SIX4: variants seen among roughly 807,000 people sequenced by gnomAD.
SIX4 encodes SIX homeobox 4.
SIX4 carries 23 observed loss-of-function variants against 51.5 expected under a neutral mutation model. The ratio of observed to expected loss-of-function variants is 0.45; its 90% confidence interval spans 0.32 to 0.63. The LOEUF is 0.63. Among genes scored for constraint, SIX4 ranks in the 30% least tolerant of loss-of-function variants. SIX4 has a pLI of 0.04. For synonymous variants in SIX4, 413 were observed against 417.3 expected, an observed-to-expected ratio of 0.99 and a Z score of 0.13; for missense variants, 867 against 984.0, an observed-to-expected ratio of 0.88 and a Z score of 1.59.
Position 60,722,029 on chromosome 14 carries a change from G to C in SIX4, c.863+1183C>G, listed in dbSNP as rs746041309. On this transcript the variant is annotated intron_variant, in intron 1 of 2. Coordinates refer to ENST00000216513, the MANE Select transcript of SIX4 (RefSeq NM_017420.5). This position sits in a 1 kb window ranked among gnomAD's most constrained non-coding sequence, Gnocchi z 5.9. ...CCCAGAAGCGGCAAGGGCGGGCTGA[G>C]ACCGGCTCTGGAATGCGCTGGTGAT... 6.6e-6 allele frequency among the ~76,000 whole-genome samples: 1 copy of C among 152,212 alleles called. No homozygotes were observed. The highest frequency in any genetic ancestry group is 1.5e-5 in the Non-Finnish European group (1 of 68,022).
chr14:60,719,153 A>G lies in SIX4; in HGVS notation c.1549+607T>C, dbSNP rs953145735. On this transcript the variant is annotated intron_variant, in intron 2 of 2. Coordinates refer to ENST00000216513, the MANE Select transcript of SIX4 (RefSeq NM_017420.5). The surrounding 1 kb of genome is among the most constrained non-coding windows in gnomAD (Gnocchi z 4.9). The stretch of plus-strand genomic sequence containing the variant: ...GCCACAAACATATAAAATAAGGCTT[A>G]CTATTATCTTCACAAATAAACCCAC... Among the ~76,000 whole-genome samples the G allele has an allele frequency of 3.9e-5, 6 of 152,226 alleles. No homozygotes were observed. The highest frequency in any genetic ancestry group is 7.3e-5 in the Non-Finnish European group (5 of 68,040).
chr14:60,724,185 A>G lies in SIX4; in HGVS notation c.-111T>C. On this transcript the variant is annotated 5_prime_UTR_variant, in exon 1 of 3. Coordinates refer to ENST00000216513, the MANE Select transcript of SIX4 (RefSeq NM_017420.5). ...CTCCCTCCCTCCTCTCCCCCTCCGG[A>G]AAGCCCACTCCCTCCCTCCTGGTTT... is the stretch of plus-strand genomic sequence containing the variant. The G allele has an allele frequency of 6.3e-7, 1 of 1,582,308 alleles. No homozygotes were observed. The highest frequency in any genetic ancestry group is 8.5e-7 in the Non-Finnish European group (1 of 1,170,178).
intron 1 of SIX4, chr14:60,721,242 G>T: frequency 1.0e-5 from 7 of 694,776 alleles, no homozygotes; most frequent in Non-Finnish European, 1.2e-5. Flanking sequence ...GCAGGACCCT[G>T]TTCCTCAGCT....
chr14:60,711,339 T>C lies in SIX4; in HGVS notation c.*2068A>G, dbSNP rs1323239077. On this transcript the variant is annotated 3_prime_UTR_variant, in exon 3 of 3. Transcript: ENST00000216513. Reference sequence around the variant, plus strand: ...ATGATGTAGTTCTTTATCAAAATGATGGGAGAGGAATTCTTCATAGGGTTC... The same window carrying C: ...ATGATGTAGTTCTTTATCAAAATGACGGGAGAGGAATTCTTCATAGGGTTC... The C allele has an allele frequency of 6.6e-6, 1 of 152,150 alleles. No individual in the cohort carries two copies. The highest frequency in any genetic ancestry group is 6.5e-5 in the Admixed American group (1 of 15,278). 9.4% of individuals were successfully genotyped at this position (152,150 alleles called of 1,614,324 possible). A position where few individuals can be genotyped will look rare whatever the true frequency, so the allele number is the denominator to read the frequency against.
rs754256041 is a variant in SIX4, at chr14:60,724,091, TCCTC to T, written c.-21_-18del. 19 of 1,559,656 alleles carry T rather than the reference TCCTC, an allele frequency of 1.2e-5. No homozygotes were observed. Among genetic ancestry groups the T allele is most frequent in the Middle Eastern group, 1.7e-4 (1 of 5,774 alleles). Reference sequence around the variant, plus strand: ...AGAGGACATTTTTTGTTGTTTATTTTCCTCCCTCCCTCACTCCCTCGCACTCTTT... The same window carrying T: ...AGAGGACATTTTTTGTTGTTTATTTTCCTCCCTCACTCCCTCGCACTCTTT... On this transcript the variant is annotated 5_prime_UTR_variant, in exon 1 of 3. Coordinates refer to ENST00000216513, the MANE Select transcript of SIX4 (RefSeq NM_017420.5).
rs761065883 is a variant in SIX4 at position 60,723,787 on chromosome 14, G to A, written c.288C>T (p.His96=). Residue 96 remains histidine, a synonymous_variant, in exon 1 of 3, where the codon CAC becomes CAT. Transcript: ENST00000216513. ...LHSELLGRHH[H]AAAAAAQTPL... Reference sequence around the variant, plus strand: ...GGGTCTGCGCGGCGGCGGCGGCGGCGTGGTGGTGCCTGCCCAGAAGTTCCG... The same window carrying A: ...GGGTCTGCGCGGCGGCGGCGGCGGCATGGTGGTGCCTGCCCAGAAGTTCCG... 33 of 1,537,002 alleles carry A rather than the reference G, an allele frequency of 2.1e-5. No individual in the cohort carries two copies. In the East Asian group the frequency reaches 7.6e-4, roughly 35 times the overall value.
rs1057261805 is a variant in SIX4, at chr14:60,719,787, G to A, written c.1522C>T (p.Pro508Ser). 5.0e-6 allele frequency: 8 copies of A among 1,614,164 alleles called. No individual in the cohort carries two copies. Among genetic ancestry groups the A allele is most frequent in the Non-Finnish European group, 6.8e-6 (8 of 1,180,016 alleles). Residue 508 changes from proline (P) to serine (S), a missense_variant, in exon 2 of 3, where the codon CCC (proline) becomes TCC (serine). Coordinates refer to ENST00000216513, the MANE Select transcript of SIX4 (RefSeq NM_017420.5). The surrounding 1 kb of genome is among the most constrained non-coding windows in gnomAD (Gnocchi z 4.9). ...TGTGAAGCTGCCACTGACACAGGGG[G>A]CAGCTGCAGTGGAGAGAATCCAATG... ...GSIGFSPLQL[P>S]PVSVAASQGN...
Position 60,722,661 on chromosome 14 carries a change from C to T in SIX4, c.863+551G>A, listed in dbSNP as rs556537363. Among the ~76,000 whole-genome samples the T allele has an allele frequency of 1.3e-5, 2 of 152,214 alleles. No homozygotes were observed. The highest frequency in any genetic ancestry group is 1.3e-4 in the Admixed American group (2 of 15,300). ...TCTGCGCCGCCAGTCCCACAACACT[C>T]TCTTCCCTTCACCAGAGCAGCCACC... On this transcript the variant is annotated intron_variant, in intron 1 of 2. Coordinates refer to ENST00000216513, the MANE Select transcript of SIX4 (RefSeq NM_017420.5). This position sits in a 1 kb window ranked among gnomAD's most constrained non-coding sequence, Gnocchi z 5.9.
At position 60,723,854 on chromosome 14, in the gene SIX4, G is replaced by GCCGCCA. The variant is rs767196468; in HGVS notation, c.215_220dup (p.Val72_Ala73dup). 1 of 1,534,790 alleles carries GCCGCCA rather than the reference G, an allele frequency of 6.5e-7. No individual in the cohort carries two copies. Among genetic ancestry groups the GCCGCCA allele is most frequent in the South Asian group, 1.2e-5 (1 of 83,110 alleles). ...ATCCGCCGCCGCTCCGGCCGCCGCC[G>GCCGCCA]CCGCCACTGCCCCTTCCTCTCCGCT... On this transcript the variant is annotated inframe_insertion, in exon 1 of 3. Transcript: ENST00000216513.
At position 60,710,506 on chromosome 14, in the gene SIX4, C is replaced by T. The variant is rs1895801430; in HGVS notation, c.*2901G>A. ...GCATAGATAGGCTTACACCAAAAAT[C>T]CCACAGCCAGCAGCATGGGTTGGGT... On this transcript the variant is annotated 3_prime_UTR_variant, in exon 3 of 3. Coordinates refer to ENST00000216513, the MANE Select transcript of SIX4 (RefSeq NM_017420.5). 1 of 152,548 alleles carries T rather than the reference C, an allele frequency of 6.6e-6. No individual in the cohort carries two copies. Among genetic ancestry groups the T allele is most frequent in the Non-Finnish European group, 1.5e-5 (1 of 68,026 alleles). 9.4% of individuals were successfully genotyped at this position (152,548 alleles called of 1,614,324 possible).
In SIX4 at chr14:60,713,694, C is replaced by T. The variant is rs796487039; in HGVS notation, c.2059G>A (p.Glu687Lys). The change falls in exon 3 of 3, where the codon GAA becomes AAA. Residue 687 changes from glutamate to lysine, a missense_variant. Glu to Lys is a moderately conservative substitution (Grantham distance 56, BLOSUM62 1). Transcript: ENST00000216513. Reference protein sequence around the residue: ...SVPMTQAALGEIVPTAEDQVG... With the variant: ...SVPMTQAALGKIVPTAEDQVG... ...TGATCTTCAGCTGTAGGAACTATTT[C>T]CCCAAGGGCAGCCTGAGTCATAGGG... is the stretch of plus-strand genomic sequence containing the variant. The T allele has an allele frequency of 1.2e-6, 2 of 1,614,186 alleles. No individual in the cohort carries two copies. Among genetic ancestry groups the T allele is most frequent in the Non-Finnish European group, 1.7e-6 (2 of 1,180,028 alleles).
Position 60,722,966 on chromosome 14 carries a change from T to G in SIX4, c.863+246A>C. 3.1e-6 allele frequency: 2 copies of G among 642,402 alleles called. No individual in the cohort carries two copies. The highest frequency in any genetic ancestry group is 4.9e-6 in the Non-Finnish European group (2 of 411,896). The allele number at this position is 642,402 out of a possible 1,614,324, so 39.8% of individuals were successfully genotyped here. A position where few individuals can be genotyped will look rare whatever the true frequency, so the allele number is the denominator to read the frequency against. ...CGAGGTGGGGGCGGGGACTGAGACCTAGGCGGGCGACCAGAAACTTCTGGG... is the reference window on the plus strand; with the variant it reads ...CGAGGTGGGGGCGGGGACTGAGACCGAGGCGGGCGACCAGAAACTTCTGGG... On this transcript the variant is annotated intron_variant, in intron 1 of 2. Transcript: ENST00000216513. This position sits in a 1 kb window ranked among gnomAD's most constrained non-coding sequence, Gnocchi z 5.9.
At position 60,717,064 on chromosome 14, in the gene SIX4, T is replaced by TTTTA. The variant is rs900412100; in HGVS notation, c.1549+2692_1549+2695dup. On this transcript the variant is annotated intron_variant, in intron 2 of 2. Coordinates refer to ENST00000216513, the MANE Select transcript of SIX4 (RefSeq NM_017420.5). The surrounding 1 kb of genome is among the most constrained non-coding windows in gnomAD (Gnocchi z 4.6). ...CTTAAGTATGCTTTAAAACTCTTATTTTTATTTATTTATTTATTTATTTTT... is the reference window on the plus strand; with the variant it reads ...CTTAAGTATGCTTTAAAACTCTTATTTTTATTTATTTATTTATTTATTTATTTTT... 20 of 319,180 alleles carry TTTTA rather than the reference T, an allele frequency of 6.3e-5. No homozygotes were observed. The highest frequency in any genetic ancestry group is 2.4e-4 in the East Asian group (2 of 8,426). 19.8% of individuals were successfully genotyped at this position (319,180 alleles called of 1,614,324 possible).
rs1410332450 is a variant in SIX4, at chr14:60,711,392, T to C, written c.*2015A>G. On this transcript the variant is annotated 3_prime_UTR_variant, in exon 3 of 3. Coordinates refer to ENST00000216513, the MANE Select transcript of SIX4 (RefSeq NM_017420.5). The stretch of plus-strand genomic sequence containing the variant: ...GATATATGCCTGCAAGTTCCATTTA[T>C]GATAACAAAAGTTAAATCCTCTATG... 4 of 152,316 alleles carry C rather than the reference T, an allele frequency of 2.6e-5. No homozygotes were observed. The highest frequency in any genetic ancestry group is 9.6e-5 in the African/African-American group (4 of 41,578). The allele number at this position is 152,316 out of a possible 1,614,324, so 9.4% of individuals were successfully genotyped here.
chr14:60,713,251 A>T lies in SIX4; in HGVS notation c.*156T>A, dbSNP rs1480258024. ...ATGCAGTTCTACTCCTGTATACTTA[A>T]CTGTGATCTTCATGCAGATCAATCT... On this transcript the variant is annotated 3_prime_UTR_variant, in exon 3 of 3. Coordinates refer to ENST00000216513, the MANE Select transcript of SIX4 (RefSeq NM_017420.5). 5.7e-6 allele frequency: 4 copies of T among 706,852 alleles called. No individual in the cohort carries two copies. Among genetic ancestry groups the T allele is most frequent in the Non-Finnish European group, 9.1e-6 (4 of 437,812 alleles). The allele number at this position is 706,852 out of a possible 1,614,324, so 43.8% of individuals were successfully genotyped here. A position where few individuals can be genotyped will look rare whatever the true frequency, so the allele number is the denominator to read the frequency against.
In SIX4 at chr14:60,711,910, C is replaced by T. The variant is rs551299021; in HGVS notation, c.*1497G>A. 1 of 152,598 alleles carries T rather than the reference C, an allele frequency of 6.6e-6. No individual in the cohort carries two copies. Among genetic ancestry groups the T allele is most frequent in the East Asian group, 1.9e-4 (1 of 5,186 alleles). The allele number at this position is 152,598 out of a possible 1,614,324, so 9.5% of individuals were successfully genotyped here. A position where few individuals can be genotyped will look rare whatever the true frequency, so the allele number is the denominator to read the frequency against. On this transcript the variant is annotated 3_prime_UTR_variant, in exon 3 of 3. Coordinates refer to ENST00000216513, the MANE Select transcript of SIX4 (RefSeq NM_017420.5). ...TCAGAGACTAGAGAGCAACTTTACTCACTACATAAATTTATTTGCATTGTT... is the reference window on the plus strand; with the variant it reads ...TCAGAGACTAGAGAGCAACTTTACTTACTACATAAATTTATTTGCATTGTT...
At chr14:60,716,360 C>G (rs1343133132) in intron 2 of SIX4, among the ~76,000 whole-genome samples, 2 of 152,032 alleles carry the variant, frequency 1.3e-5, no homozygotes, top group African/African-American at 4.8e-5. Context: ...TCAAGCAATT[C>G]TCCTGACTCA....
At chr14:60,714,893 T>C (rs1487526588) in intron 2 of SIX4, among the ~76,000 whole-genome samples, 1 of 151,484 alleles carries the variant, frequency 6.6e-6, no homozygotes, top group Non-Finnish European at 1.5e-5. Context: ...CTCAATCTCT[T>C]GACCTTGTGA....
intron 1 of SIX4, among the ~76,000 whole-genome samples, chr14:60,721,903 C>A (rs1268274090): frequency 1.3e-5 from 2 of 152,232 alleles, no homozygotes; most frequent in Non-Finnish European, 2.9e-5. Flanking sequence ...CCCGGTGCAC[C>A]TTTTGTTTTG....
Sources: gnomAD v4.1 joint callset for allele counts (sites outside exome capture counted in the v4.1 genomes callset) on GRCh38, gnomAD v4.1.1 for gene constraint, Gnocchi (gnomAD v3.1) non-coding constraint, MANE v1.5 for transcripts, NCBI Gene and HGNC (gene_info 2026-07-23, HGNC 2026-07-21) for gene names.